The following ELF1 variants were observed in gnomAD, a reference collection of about 807,000 sequenced individuals.
ELF1 encodes ETS-related transcription factor Elf-1.
ELF1 carries 24 observed loss-of-function variants against 59.9 expected under a neutral mutation model. That is an observed-to-expected ratio of 0.40 (90% confidence interval 0.29 to 0.56). ELF1 has a LOEUF of 0.56. Ranked by LOEUF, ELF1 falls within the 20% of genes least tolerant of loss-of-function variation. The pLI is 0.44. For missense variants in ELF1, 627 were observed against 742.2 expected (o/e 0.84, Z 1.80); for synonymous variants, 248 against 266.2 (o/e 0.93, Z 0.67).
At chr13:41,004,615 C>T (rs1455702731) in intron 1 of ELF1, among the ~76,000 whole-genome samples, 2 of 151,904 alleles carry the variant, frequency 1.3e-5, no homozygotes, top group Non-Finnish European at 2.9e-5. Context: ...ACTTGGTAAA[C>T]TACAAAATGC....
At chr13:41,031,167 A>G (rs902996129) in intron 1 of ELF1, among the ~76,000 whole-genome samples, 6 of 151,734 alleles carry the variant, frequency 4.0e-5, no homozygotes, top group East Asian at 1.9e-4. Context: ...AAAAAAAAAA[A>G]AAAGAAAGAA....
chr13:40,961,697 T>C (rs1423179452), intron 2 of ELF1, among the ~76,000 whole-genome samples: 28 of 152,244 alleles, frequency 1.8e-4, no homozygotes, highest in Non-Finnish European at 3.8e-4. Flanking sequence ...CCACCTAGCA[T>C]AAACATGGAC....
chr13:40,942,000 C>T (rs1367159003), intron 7 of ELF1, among the ~76,000 whole-genome samples: 1 of 152,088 alleles, frequency 6.6e-6, no homozygotes, highest in Non-Finnish European at 1.5e-5. Context: ...CTACCAAAAG[C>T]CTCAAGAAAT....
chr13:40,940,185 G>A (rs1326741334), intron 8 of ELF1, among the ~76,000 whole-genome samples: 1 of 152,124 alleles, frequency 6.6e-6, no homozygotes, highest in East Asian at 1.9e-4. Context: ...TATGGTTCAT[G>A]TTCTAGAAAT....
intron 1 of ELF1, among the ~76,000 whole-genome samples, chr13:41,018,424 T>C (rs1875546451): frequency 6.6e-6 from 1 of 152,224 alleles, no homozygotes; most frequent in South Asian, 2.1e-4. Flanking sequence ...TCATCACTTT[T>C]TCTTTTTACA....
rs1190841075 is a variant in ELF1 at position 41,060,929 on chromosome 13, CGCCGCCGCCGCCGCCGCT to C, written c.-338_-321del. The C allele has an allele frequency of 1.2e-4, 42 of 363,704 alleles. No homozygotes were observed. In the Middle Eastern group the frequency reaches 3.7e-3, roughly 32 times the overall value. The allele number at this position is 363,704 out of a possible 1,614,324, so 22.5% of individuals were successfully genotyped here. On this transcript the variant is annotated 5_prime_UTR_variant, in exon 1 of 2. Coordinates refer to the ELF1 transcript ENST00000405737. ...AAGCTGCTGCTGCCGCCGCCGCCGC[CGCCGCCGCCGCCGCCGCT>C]GCTGCTGCCCACACGCTCCCGAGCT...
At chr13:41,034,743 T>C (rs1488079576) in intron 1 of ELF1, among the ~76,000 whole-genome samples, 1 of 151,430 alleles carries the variant, frequency 6.6e-6, no homozygotes, top group Non-Finnish European at 1.5e-5. Context: ...TCAAGAATAA[T>C]TTATTTTTAA....
At chr13:40,956,835 G>A (rs4053844) in intron 3 of ELF1, among the ~76,000 whole-genome samples, 1 of 151,016 alleles carries the variant, frequency 6.6e-6, no homozygotes, top group Non-Finnish European at 1.5e-5. Context: ...TAAACTACAC[G>A]TGTATGCCAC....
At chr13:41,035,554 T>C (rs1471336535) in intron 1 of ELF1, among the ~76,000 whole-genome samples, 1 of 152,142 alleles carries the variant, frequency 6.6e-6, no homozygotes, top group Non-Finnish European at 1.5e-5. Flanking sequence ...AGGATGGGTA[T>C]GGTAGCCCTG....
At chr13:40,963,911 G>GAA (rs530094659) in intron 2 of ELF1, among the ~76,000 whole-genome samples, 2 of 136,862 alleles carry the variant, frequency 1.5e-5, no homozygotes, top group Non-Finnish European at 1.6e-5. Flanking sequence ...GTCTCAAAAA[G>GAA]AAAAAAAAAA....
chr13:41,046,103 C>T (rs961632881), intron 1 of ELF1, among the ~76,000 whole-genome samples: 7 of 152,188 alleles, frequency 4.6e-5, no homozygotes, highest in Non-Finnish European at 1.0e-4. Flanking sequence ...ACTAGGATTA[C>T]AACCCCTACC....
chr13:40,956,052 A>G (rs1410732384), intron 3 of ELF1, among the ~76,000 whole-genome samples: 7 of 146,920 alleles, frequency 4.8e-5, no homozygotes, highest in African/African-American at 1.7e-4. Context: ...CTGCCCGGCC[A>G]CCACCCCGTC....
Position 40,949,919 on chromosome 13 carries a change from T to C in ELF1, c.416A>G (p.His139Arg). Residue 139 changes from histidine (H) to arginine (R), a missense_variant, in exon 5 of 9, where the codon CAT becomes CGT. Coordinates refer to ENST00000239882, the MANE Select transcript of ELF1 (RefSeq NM_172373.4). ...EDDMVVAPVT[H>R]VSVTLDGIPE... ...AATCCCATCTAATGTGACGGACACA[T>C]GGGTGACTGGGGCAACAACCATGTC... 6.2e-7 allele frequency: 1 copy of C among 1,614,076 alleles called. No homozygotes were observed. Among genetic ancestry groups the C allele is most frequent in the Non-Finnish European group, 8.5e-7 (1 of 1,179,956 alleles).
chr13:41,026,926 A>G (rs1875960727), intron 1 of ELF1, among the ~76,000 whole-genome samples: 1 of 152,210 alleles, frequency 6.6e-6, no homozygotes, highest in Admixed American at 6.5e-5. Flanking sequence ...TTCTACAATC[A>G]GCTGACAGAG....
At chr13:40,946,052 T>C (rs1870488904) in intron 5 of ELF1, among the ~76,000 whole-genome samples, 1 of 152,196 alleles carries the variant, frequency 6.6e-6, no homozygotes, top group Non-Finnish European at 1.5e-5. Flanking sequence ...TTCACCATGT[T>C]GCTCTCGAAT....
At chr13:40,988,467 A>G (rs1302683605) in intron 1 of ELF1, among the ~76,000 whole-genome samples, 1 of 152,238 alleles carries the variant, frequency 6.6e-6, no homozygotes, top group African/African-American at 2.4e-5. Flanking sequence ...ATACCTAGCA[A>G]AAGTACCTTA....
chr13:40,974,742 G>C (rs1286251101), intron 2 of ELF1, among the ~76,000 whole-genome samples: 4 of 152,106 alleles, frequency 2.6e-5, no homozygotes, highest in Admixed American at 2.6e-4. Context: ...GCAAAAAAGA[G>C]TAATAAGTTC....
intron 2 of ELF1, among the ~76,000 whole-genome samples, chr13:40,980,636 G>T (rs1459989135): frequency 6.6e-6 from 1 of 152,046 alleles, no homozygotes; most frequent in African/African-American, 2.4e-5. Context: ...GTGGCTTAGG[G>T]CTTTGTCCTC....
chr13:40,974,226 C>A (rs995670383), intron 2 of ELF1, among the ~76,000 whole-genome samples: 1 of 151,920 alleles, frequency 6.6e-6, no homozygotes, highest in African/African-American at 2.4e-5. Context: ...TACAGGTATG[C>A]CAGGCATAAG....
Sources: gnomAD v4.1 joint callset for allele counts (sites outside exome capture counted in the v4.1 genomes callset) on GRCh38, gnomAD v4.1.1 for gene constraint, MANE v1.5 for transcripts, NCBI Gene and HGNC (gene_info 2026-07-23, HGNC 2026-07-21) for gene names.